The following WRN variants were observed in gnomAD, a reference collection of about 807,000 sequenced individuals.
WRN encodes WRN RecQ like helicase.
In WRN, 149 loss-of-function variants were observed where a neutral mutation model predicts 180.7. That is an observed-to-expected ratio of 0.82 (90% CI 0.72 to 0.94). The LOEUF (loss-of-function observed/expected upper bound fraction) is 0.94, where lower values mean the gene tolerates loss of function less well. WRN is among the 40% of genes least tolerant of loss of function. The pLI, the probability that WRN is intolerant of heterozygous loss-of-function variation, is 0.00. For synonymous variants in WRN, 548 were observed against 568.9 expected, an observed-to-expected ratio of 0.96 and a Z score of 0.52; for missense variants, 1,661 against 1,700.1, an observed-to-expected ratio of 0.98 and a Z score of 0.40.
intron 1 of WRN, among the ~76,000 whole-genome samples, chr8:31,043,250 C>T (rs1190770792): frequency 6.6e-6 from 1 of 152,168 alleles, no homozygotes; most frequent in South Asian, 2.1e-4. Flanking sequence ...TTTCCCGTAC[C>T]AGAGGAGAGT....
In WRN at chr8:31,142,629, G is replaced by A. The variant is rs11574345; in HGVS notation, c.3237G>A (p.Ser1079=). Residue 1079 remains serine, a synonymous_variant, in exon 27 of 35, where the codon TCG becomes TCA. Coordinates refer to ENST00000298139, the MANE Select transcript of WRN (RefSeq NM_000553.6). ...LCPKKLLLPS[S]KTVSSGTKEH... is the part of the protein sequence containing the mutation. ...ATTTAATTTTATTATTTTTTAGTTCGAAAACTGTATCTTCGGGCACCAAAG... is the reference window on the plus strand; with the variant it reads ...ATTTAATTTTATTATTTTTTAGTTCAAAAACTGTATCTTCGGGCACCAAAG... 1,127 of 1,592,336 alleles carry A rather than the reference G, an allele frequency of 7.1e-4. 11 individuals are homozygous for A. The East Asian group carries it at 0.02, about 28-fold the overall frequency.
At chr8:31,040,876 G>A (rs1811627407) in intron 1 of WRN, among the ~76,000 whole-genome samples, 1 of 152,008 alleles carries the variant, frequency 6.6e-6, no homozygotes, top group African/African-American at 2.4e-5. Flanking sequence ...ATGTTGATGG[G>A]TCTTTTCTGG....
intron 28 of WRN, among the ~76,000 whole-genome samples, chr8:31,146,298 A>T (rs913482586): frequency 6.7e-6 from 1 of 149,668 alleles, no homozygotes; most frequent in Non-Finnish European, 1.5e-5. Flanking sequence ...TATATTTTTA[A>T]TATAATATGA....
rs71206299 is a variant in WRN, at chr8:31,125,537, GATATATATATATATATAT to G, written c.2825+552_2825+569del. Reference sequence around the variant, plus strand: ...GAAATAGGACGATTGATATTATGGAGATATATATATATATATATATATATATATATATGGGGAGGGAAA... The same window carrying G: ...GAAATAGGACGATTGATATTATGGAGATATATATATATATGGGGAGGGAAA... On this transcript the variant is annotated intron_variant, in intron 23 of 34. Coordinates refer to ENST00000298139, the MANE Select transcript of WRN (RefSeq NM_000553.6). 2.0e-3 allele frequency among the ~76,000 whole-genome samples: 130 copies of G among 63,764 alleles called. 4 individuals are homozygous for G. Among genetic ancestry groups the G allele is most frequent in the Middle Eastern group, 8.8e-3 (1 of 114 alleles). 41.8% of individuals were successfully genotyped at this position (63,764 alleles called of 152,430 possible).
At chr8:31,048,660 G>A (rs914499508) in intron 1 of WRN, among the ~76,000 whole-genome samples, 19 of 152,122 alleles carry the variant, frequency 1.2e-4, no homozygotes, top group African/African-American at 4.6e-4. Context: ...TTTTTAAAAA[G>A]TTTATTGCGC....
At chr8:31,135,801 C>CTCTCT (rs59676141) in intron 24 of WRN, among the ~76,000 whole-genome samples, 146,422 of 151,078 alleles carry the variant, frequency 0.97, 71,094 homozygotes, top group Non-Finnish European at 1. Flanking sequence ...GTCTTTTCTT[C>CTCTCT]TCTCTTCTCT....
At chr8:31,081,509 A>C (rs1330693890) in intron 9 of WRN, among the ~76,000 whole-genome samples, 1 of 152,248 alleles carries the variant, frequency 6.6e-6, no homozygotes, top group Non-Finnish European at 1.5e-5. Context: ...ACAAATACAG[A>C]TAGTGGGCCA....
Position 31,067,240 on chromosome 8 carries a change from G to T in WRN, c.654+58G>T, listed in dbSNP as rs1563331470. 2.0e-5 allele frequency: 31 copies of T among 1,589,096 alleles called. No homozygotes were observed. In the South Asian group the frequency reaches 3.0e-4, roughly 16 times the overall value. Reference sequence around the variant, plus strand: ...GTGTTTTAAAAACATTATTATAAATGACTTTAGAAAAATTTTATTATAGTA... The same window carrying T: ...GTGTTTTAAAAACATTATTATAAATTACTTTAGAAAAATTTTATTATAGTA... On this transcript the variant is annotated intron_variant, in intron 6 of 34. Coordinates refer to ENST00000298139, the MANE Select transcript of WRN (RefSeq NM_000553.6).
intron 9 of WRN, among the ~76,000 whole-genome samples, chr8:31,081,994 C>G (rs1813333437): frequency 6.6e-6 from 1 of 152,148 alleles, no homozygotes; most frequent in Admixed American, 6.5e-5. Flanking sequence ...CTCCTGGACT[C>G]AAGTGATCCA....
intron 34 of WRN, among the ~76,000 whole-genome samples, chr8:31,168,988 G>A (rs924380597): frequency 6.6e-6 from 1 of 151,930 alleles, no homozygotes; most frequent in Admixed American, 6.6e-5. Flanking sequence ...TAAATATTTA[G>A]TATTCTTTTA....
At chr8:31,145,259 T>C (rs1312144829) in intron 28 of WRN, among the ~76,000 whole-genome samples, 2 of 152,234 alleles carry the variant, frequency 1.3e-5, no homozygotes, top group African/African-American at 4.8e-5. Flanking sequence ...GCTTCAAAGC[T>C]TCAAAGGACA....
chr8:31,168,326 T>C (rs1292960002), intron 34 of WRN, among the ~76,000 whole-genome samples: 1 of 152,176 alleles, frequency 6.6e-6, no homozygotes, highest in East Asian at 1.9e-4. Context: ...TAAGACCCTC[T>C]TATTGTTTCC....
chr8:31,135,583 AGAGT>A (rs1802367850), intron 24 of WRN, among the ~76,000 whole-genome samples: 1 of 152,158 alleles, frequency 6.6e-6, no homozygotes, highest in African/African-American at 2.4e-5. Context: ...CTGAAGAGAG[AGAGT>A]GTTTAGAGAA....
intron 17 of WRN, 130 bp from the exon 18 acceptor site, chr8:31,100,719 T>G: frequency 1.4e-6 from 1 of 739,682 alleles, no homozygotes; most frequent in Non-Finnish European, 2.3e-6. Context: ...TATGATGATA[T>G]TTATGCTTCT....
chr8:31,118,716 TTTTC>T (rs1411919076), intron 20 of WRN, among the ~76,000 whole-genome samples: 3 of 152,086 alleles, frequency 2.0e-5, no homozygotes, highest in Non-Finnish European at 2.9e-5. Context: ...AAAAGTATAC[TTTTC>T]TTTCTTATTT....
intron 1 of WRN, among the ~76,000 whole-genome samples, chr8:31,057,495 C>T (rs567382024): frequency 6.6e-6 from 1 of 152,250 alleles, no homozygotes; most frequent in South Asian, 2.1e-4. Context: ...GGCATGAACC[C>T]AGGAGGCAGA....
intron 28 of WRN, among the ~76,000 whole-genome samples, chr8:31,145,327 T>C (rs1404093107): frequency 6.6e-6 from 1 of 152,218 alleles, no homozygotes; most frequent in South Asian, 2.1e-4. Flanking sequence ...AAGCCAGTGC[T>C]CAATTAGCAT....
At chr8:31,105,821 G>A (rs1188067389) in intron 18 of WRN, among the ~76,000 whole-genome samples, 1 of 152,166 alleles carries the variant, frequency 6.6e-6, no homozygotes, top group Non-Finnish European at 1.5e-5. Flanking sequence ...ATCATAGACT[G>A]ATATCAGCAG....
At chr8:31,165,216 AT>A (rs1341457252) in intron 33 of WRN, among the ~76,000 whole-genome samples, 5 of 152,008 alleles carry the variant, frequency 3.3e-5, no homozygotes, top group East Asian at 1.9e-4. Flanking sequence ...AGCTTGTGTG[AT>A]TTTTCCCTAA....
Sources: gnomAD v4.1 joint callset for allele counts (sites outside exome capture counted in the v4.1 genomes callset) on GRCh38, gnomAD v4.1.1 for gene constraint, MANE v1.5 for transcripts, NCBI Gene and HGNC (gene_info 2026-07-23, HGNC 2026-07-21) for gene names.